Variants in TXLNB observed in about 807,000 individuals in gnomAD.
The protein encoded by TXLNB is beta-taxilin.
A neutral mutation model predicts 57.4 loss-of-function variants in TXLNB; 37 were observed. The ratio of observed to expected loss-of-function variants is 0.64; its 90% CI spans 0.50 to 0.85. The LOEUF is 0.85. Ranked by LOEUF, TXLNB falls within the 40% of genes least tolerant of loss-of-function variation. The pLI is 0.00. For missense variants in TXLNB, 848 were observed against 825.6 expected (o/e 1.03, Z -0.33); for synonymous variants, 302 against 309.6 (o/e 0.98, Z 0.26).
the TXLNB span, chr6:139,177,172 G>A: frequency 1.0e-5 from 7 of 687,258 alleles, no homozygotes; most frequent in East Asian, 1.9e-4. The surrounding 1 kb of genome is among the most constrained non-coding windows in gnomAD (Gnocchi z 4.9). Flanking sequence ...CTTTTATAGG[G>A]AAACATTCTG....
At chr6:139,198,038 G>A in the TXLNB span, among the ~76,000 whole-genome samples, 4 of 152,078 alleles carry the variant, frequency 2.6e-5, no homozygotes, top group African/African-American at 7.2e-5. Flanking sequence ...AGTTTTGGAG[G>A]GGACAAACAT....
At chr6:139,255,845 G>A (rs1282832832) in intron 6 of TXLNB, among the ~76,000 whole-genome samples, 2 of 152,070 alleles carry the variant, frequency 1.3e-5, no homozygotes, top group African/African-American at 4.8e-5. Flanking sequence ...GGGTGGCTGA[G>A]CTGGGAGGAT....
At chr6:139,247,708 C>G (rs1260308639) in intron 8 of TXLNB, 109 bp downstream of exon 8, 4 of 720,690 alleles carry the variant, frequency 5.6e-6, no homozygotes, top group Non-Finnish European at 9.2e-6. Context: ...CATTTCATTA[C>G]TTTGTGAAAT....
In TXLNB at chr6:139,253,773, A is replaced by G. The variant is rs2149046; in HGVS notation, c.1077+1791T>C. Reference sequence around the variant, plus strand: ...TGAATCACTCTGTAGCCCACAGTTTAACAATGTAATCTACTCTGCTCAAGT... The same window carrying G: ...TGAATCACTCTGTAGCCCACAGTTTGACAATGTAATCTACTCTGCTCAAGT... On this transcript the variant is annotated intron_variant, in intron 7 of 9. Transcript: ENST00000358430. Among the ~76,000 whole-genome samples, 1,369 of 152,322 alleles carry G rather than the reference A, an allele frequency of 9.0e-3. 56 individuals are homozygous for G. The East Asian group carries it at 0.11, about 12-fold the overall frequency.
chr6:139,245,684 A>G (rs1776050384), intron 8 of TXLNB, among the ~76,000 whole-genome samples: 1 of 151,918 alleles, frequency 6.6e-6, no homozygotes, highest in African/African-American at 2.4e-5. Context: ...TAGTTTGTAA[A>G]CTTCTTTGTT....
upstream of TXLNB, among the ~76,000 whole-genome samples, chr6:139,296,306 C>A (rs1777388319): frequency 6.6e-6 from 1 of 152,080 alleles, no homozygotes; most frequent in Non-Finnish European, 1.5e-5. Context: ...CTAGATGTAA[C>A]CTTTTAGGTT....
the TXLNB span, among the ~76,000 whole-genome samples, chr6:139,204,927 AC>A: frequency 3.3e-5 from 5 of 151,678 alleles, no homozygotes; most frequent in Admixed American, 6.6e-5. Flanking sequence ...CCTGAGAACC[AC>A]CCCCCATCCC....
chr6:139,213,342 T>A, the TXLNB span, among the ~76,000 whole-genome samples: 3 of 152,152 alleles, frequency 2.0e-5, no homozygotes, highest in African/African-American at 7.2e-5. Flanking sequence ...ACCGCTCAAC[T>A]ACATGGAAAC....
chr6:139,208,043 T>TGGATCGCACA, the TXLNB span, among the ~76,000 whole-genome samples: 5 of 151,550 alleles, frequency 3.3e-5, no homozygotes, highest in Non-Finnish European at 7.4e-5. Context: ...ACCACTGCAC[T>TGGATCGCACA]CCAGCCTGGA....
chr6:139,236,842 GAT>G (rs1775841510), downstream of TXLNB, among the ~76,000 whole-genome samples: 1 of 152,086 alleles, frequency 6.6e-6, no homozygotes, highest in Non-Finnish European at 1.5e-5. Flanking sequence ...GAGCTCAAGT[GAT>G]CCTCCTGATC....
At chr6:139,207,838 G>A in the TXLNB span, among the ~76,000 whole-genome samples, 1 of 152,200 alleles carries the variant, frequency 6.6e-6, no homozygotes, top group Non-Finnish European at 1.5e-5. Flanking sequence ...CACTTTGGGA[G>A]GCCGAGGTGG....
the TXLNB span, among the ~76,000 whole-genome samples, chr6:139,201,474 T>C: frequency 6.6e-6 from 1 of 152,188 alleles, no homozygotes; most frequent in Non-Finnish European, 1.5e-5. Flanking sequence ...ATCCACTCTT[T>C]GTATTATGTT....
rs1776182154 is a variant in TXLNB at position 139,250,667 on chromosome 6, CATAGAGGCCT to C, written c.1078-2768_1078-2759del. On this transcript the variant is annotated intron_variant, in intron 7 of 9. Transcript: ENST00000358430. ...CTTATCAGTAACTCTAGCAGAGTTA[CATAGAGGCCT>C]CAGACACTGTGGTCTCCTCAGCTGG... Among the ~76,000 whole-genome samples the C allele has an allele frequency of 2.6e-5, 4 of 152,178 alleles. No individual in the cohort carries two copies. In the South Asian group the frequency reaches 8.3e-4, roughly 32 times the overall value.
At chr6:139,209,665 T>C in the TXLNB span, among the ~76,000 whole-genome samples, 2 of 152,138 alleles carry the variant, frequency 1.3e-5, no homozygotes, top group Non-Finnish European at 2.9e-5. Context: ...GCAAGCCACA[T>C]GTAGAAGAAA....
chr6:139,244,850 T>G (rs1776034787), intron 8 of TXLNB, among the ~76,000 whole-genome samples, 160 bp from the exon 9 acceptor site: 2 of 152,218 alleles, frequency 1.3e-5, no homozygotes, highest in Admixed American at 1.3e-4. Flanking sequence ...GAGTCATAAT[T>G]TATTTCTGAG....
intron 4 of TXLNB, among the ~76,000 whole-genome samples, chr6:139,264,165 G>A (rs533121825): frequency 6.6e-6 from 1 of 152,222 alleles, no homozygotes; most frequent in Non-Finnish European, 1.5e-5. Flanking sequence ...TAAACTATCC[G>A]AGATGTTATT....
the TXLNB span, among the ~76,000 whole-genome samples, chr6:139,172,466 T>C: frequency 6.6e-6 from 1 of 152,238 alleles, no homozygotes; most frequent in Non-Finnish European, 1.5e-5. Flanking sequence ...TTTGCTCTCT[T>C]TCCCTCTGAA....
chr6:139,167,229 C>T, the TXLNB span: 5 of 1,614,010 alleles, frequency 3.1e-6, no homozygotes, highest in Non-Finnish European at 4.2e-6. Context: ...CGGGCGCTCC[C>T]GGTGTTCGAA....
chr6:139,222,716 G>A, the TXLNB span, among the ~76,000 whole-genome samples: 1 of 152,210 alleles, frequency 6.6e-6, no homozygotes, highest in Non-Finnish European at 1.5e-5. Flanking sequence ...TGAGGCAGGA[G>A]AATCGCTTAG....
Sources: gnomAD v4.1 joint callset for allele counts (sites outside exome capture counted in the v4.1 genomes callset) on GRCh38, gnomAD v4.1.1 for gene constraint, Gnocchi (gnomAD v3.1) non-coding constraint, MANE v1.5 for transcripts, NCBI Gene and HGNC (gene_info 2026-07-23, HGNC 2026-07-21) for gene names.